The following SCMH1 variants were observed in gnomAD, a reference collection of about 807,000 sequenced individuals.
The protein encoded by SCMH1 is Scm polycomb group protein homolog 1, also known as polycomb protein SCMH1.
In SCMH1, 37 loss-of-function variants were observed where a neutral mutation model predicts 70.8. That is an observed-to-expected ratio of 0.52 (90% CI 0.40 to 0.69). SCMH1 has a LOEUF of 0.69. Among genes scored for constraint, SCMH1 ranks in the 30% least tolerant of loss-of-function variants. The pLI, the probability that SCMH1 is intolerant of heterozygous loss-of-function variation, is 0.00. For missense variants in SCMH1, 607 were observed against 827.3 expected (o/e 0.73, Z 3.27); for synonymous variants, 292 against 307.4 (o/e 0.95, Z 0.52).
intron 2 of SCMH1, among the ~76,000 whole-genome samples, chr1:41,173,785 A>C (rs995669804): frequency 6.6e-6 from 1 of 152,216 alleles, no homozygotes; most frequent in Non-Finnish European, 1.5e-5. Context: ...TTTAGCTATA[A>C]AAAGAATGAA....
intron 6 of SCMH1, among the ~76,000 whole-genome samples, chr1:41,136,954 C>T (rs1643450983): frequency 6.6e-6 from 1 of 151,658 alleles, no homozygotes; most frequent in Non-Finnish European, 1.5e-5. Flanking sequence ...TTTTTAAAAA[C>T]ATTTTTGTTG....
At chr1:41,242,224 G>GGGGGCGGGGCGGGGGCTCCCCC (rs1663751142), upstream of SCMH1, 1 of 145,848 alleles carries the variant, frequency 6.9e-6, no homozygotes, top group Non-Finnish European at 1.5e-5. This position sits in a 1 kb window ranked among gnomAD's most constrained non-coding sequence, Gnocchi z 5.2. Context: ...GGCTGAGGCG[G>GGGGGCGGGGCGGGGGCTCCCCC]GGGGCGGGGC....
At chr1:41,057,396 A>C (rs547042092) in intron 10 of SCMH1, among the ~76,000 whole-genome samples, 1 of 151,776 alleles carries the variant, frequency 6.6e-6, no homozygotes, top group Middle Eastern at 3.4e-3. Flanking sequence ...CTCCACCACC[A>C]TGCCTGGCTA....
At chr1:41,115,740 A>G (rs1490051740) in intron 7 of SCMH1, among the ~76,000 whole-genome samples, 1 of 152,218 alleles carries the variant, frequency 6.6e-6, no homozygotes, top group African/African-American at 2.4e-5. Context: ...AGTTTATGCC[A>G]GCTTTATTTT....
chr1:41,034,990 C>T (rs970847317), intron 13 of SCMH1, among the ~76,000 whole-genome samples: 2 of 152,206 alleles, frequency 1.3e-5, no homozygotes, highest in Non-Finnish European at 2.9e-5. Context: ...CTCCATTCTA[C>T]TCCAAATACC....
At chr1:41,096,782 C>A (rs1369029461) in intron 8 of SCMH1, among the ~76,000 whole-genome samples, 4 of 151,882 alleles carry the variant, frequency 2.6e-5, no homozygotes, top group African/African-American at 9.7e-5. Flanking sequence ...CTTTTTCTTT[C>A]TCCTTTCCCT....
At chr1:41,144,493 C>T (rs984969544) in intron 5 of SCMH1, among the ~76,000 whole-genome samples, 2 of 152,138 alleles carry the variant, frequency 1.3e-5, no homozygotes, top group African/African-American at 4.8e-5. Flanking sequence ...ATTTTGCTTA[C>T]TCATTCATCA....
chr1:41,040,176 T>C (rs1269982250), intron 12 of SCMH1, among the ~76,000 whole-genome samples: 1 of 152,192 alleles, frequency 6.6e-6, no homozygotes, highest in African/African-American at 2.4e-5. Flanking sequence ...TGGGAGCAAC[T>C]GGGATCAAAC....
intron 6 of SCMH1, among the ~76,000 whole-genome samples, chr1:41,138,239 T>A (rs1041485776): frequency 2.6e-5 from 4 of 152,158 alleles, no homozygotes; most frequent in African/African-American, 9.6e-5. Flanking sequence ...TTTCTTAGAA[T>A]ACAATAGTTT....
At chr1:41,031,453 A>G (rs1247199683) in intron 13 of SCMH1, among the ~76,000 whole-genome samples, 2 of 152,088 alleles carry the variant, frequency 1.3e-5, no homozygotes, top group Non-Finnish European at 2.9e-5. Context: ...GTCAAAGTAC[A>G]CTTTGTCTGG....
chr1:41,222,278 C>T (rs1454820871), intron 1 of SCMH1, among the ~76,000 whole-genome samples: 11 of 152,046 alleles, frequency 7.2e-5, no homozygotes, highest in Admixed American at 2.6e-4. Context: ...GAAACAACTG[C>T]TTTAAGTGAC....
chr1:41,119,628 T>G (rs1483760007), intron 6 of SCMH1, among the ~76,000 whole-genome samples: 1 of 152,082 alleles, frequency 6.6e-6, no homozygotes, highest in Non-Finnish European at 1.5e-5. Context: ...TTTTTTGACA[T>G]GAGATTGACG....
At chr1:41,179,805 T>C (rs1398349076) in intron 2 of SCMH1, among the ~76,000 whole-genome samples, 2 of 152,314 alleles carry the variant, frequency 1.3e-5, no homozygotes, top group Middle Eastern at 3.4e-3. Context: ...CCTGGTACCA[T>C]TCCTTCTGAA....
intron 5 of SCMH1, among the ~76,000 whole-genome samples, chr1:41,148,981 T>A (rs867912164): frequency 1.3e-5 from 2 of 152,062 alleles, no homozygotes; most frequent in African/African-American, 4.8e-5. Flanking sequence ...TTAGCAGAGA[T>A]GGGGTTTCAC....
chr1:41,160,505 T>A (rs1425921268), intron 4 of SCMH1, among the ~76,000 whole-genome samples: 1 of 152,070 alleles, frequency 6.6e-6, no homozygotes. Flanking sequence ...TTACAAGTAA[T>A]TTTTTTGGGG....
At chr1:41,187,343 T>A (rs1650493638) in intron 1 of SCMH1, among the ~76,000 whole-genome samples, 1 of 150,488 alleles carries the variant, frequency 6.6e-6, no homozygotes, top group Admixed American at 6.7e-5. Context: ...ATGCTTGTAA[T>A]CCCGGCTACT....
chr1:41,134,353 A>G (rs944002807), intron 6 of SCMH1, among the ~76,000 whole-genome samples: 7 of 152,226 alleles, frequency 4.6e-5, no homozygotes, highest in African/African-American at 1.7e-4. Flanking sequence ...AACTGGAAGC[A>G]TTCCCTTTCA....
At chr1:41,074,831 A>G (rs1173254951) in intron 9 of SCMH1, among the ~76,000 whole-genome samples, 2 of 152,178 alleles carry the variant, frequency 1.3e-5, no homozygotes, top group Non-Finnish European at 2.9e-5. Context: ...CCCCTTTCCA[A>G]GAGAGATGGG....
chr1:41,128,845 T>C (rs757829235), intron 6 of SCMH1, among the ~76,000 whole-genome samples: 2 of 152,172 alleles, frequency 1.3e-5, no homozygotes, highest in African/African-American at 2.4e-5. Flanking sequence ...CAGTTCTTTT[T>C]CTCTCTGTGT....
Sources: gnomAD v4.1 joint callset for allele counts (sites outside exome capture counted in the v4.1 genomes callset) on GRCh38, gnomAD v4.1.1 for gene constraint, Gnocchi (gnomAD v3.1) non-coding constraint, MANE v1.5 for transcripts, NCBI Gene and HGNC (gene_info 2026-07-23, HGNC 2026-07-21) for gene names.